Variants in CSMD1 observed in about 807,000 individuals in gnomAD.
CSMD1 encodes CUB and Sushi multiple domains 1.
A neutral mutation model predicts 417.5 loss-of-function variants in CSMD1; 213 were observed. That is an observed-to-expected ratio of 0.51 (90% confidence interval 0.46 to 0.57). CSMD1 has a LOEUF of 0.57. CSMD1 is among the 20% of genes least tolerant of loss of function. The pLI, the probability that CSMD1 is intolerant of heterozygous loss-of-function variation, is 0.00. For missense variants in CSMD1, 6,923 were observed against 4,529.7 expected (o/e 1.53, Z -15.17); for synonymous variants, 2,862 against 1,736.8 (o/e 1.65, Z -16.11).
intron 5 of CSMD1, 28 bp from the exon 6 acceptor site, chr8:3,754,070 T>C (rs1563343088): frequency 2.0e-6 from 3 of 1,505,660 alleles, no homozygotes; most frequent in Non-Finnish European, 2.8e-6. Flanking sequence ...GAAAAAAATC[T>C]CCCTTGTAAA....
chr8:4,171,887 G>T (rs938614533), intron 3 of CSMD1, among the ~76,000 whole-genome samples: 2 of 152,072 alleles, frequency 1.3e-5, no homozygotes, highest in African/African-American at 4.8e-5. Context: ...ATACTTGAAT[G>T]CAATTGTCTG....
At chr8:3,908,668 C>T (rs575384684) in intron 5 of CSMD1, among the ~76,000 whole-genome samples, 2 of 152,132 alleles carry the variant, frequency 1.3e-5, no homozygotes, top group Admixed American at 6.5e-5. Context: ...AGGGCCTACT[C>T]CAATAACATG....
intron 33 of CSMD1, among the ~76,000 whole-genome samples, chr8:3,194,792 T>G (rs1796613403): frequency 1.3e-5 from 2 of 151,920 alleles, no homozygotes; most frequent in South Asian, 4.2e-4. Flanking sequence ...TTTCCATGAA[T>G]GCTAAAGAGA....
At chr8:3,700,294 C>A (rs1016936385) in intron 7 of CSMD1, among the ~76,000 whole-genome samples, 1 of 152,214 alleles carries the variant, frequency 6.6e-6, no homozygotes, top group South Asian at 2.1e-4. Context: ...AGAAAATATA[C>A]CTGCCCTCAT....
At chr8:3,640,121 C>G (rs1288077438) in intron 7 of CSMD1, among the ~76,000 whole-genome samples, 2 of 152,236 alleles carry the variant, frequency 1.3e-5, no homozygotes, top group Non-Finnish European at 1.5e-5. Flanking sequence ...CTTTTTTCCA[C>G]CTGTCCCACT....
intron 3 of CSMD1, among the ~76,000 whole-genome samples, chr8:4,222,584 T>A (rs1801104878): frequency 6.6e-6 from 1 of 152,182 alleles, no homozygotes; most frequent in Non-Finnish European, 1.5e-5. Flanking sequence ...ACTTTAAAAA[T>A]CTGATTGTCC....
chr8:4,123,070 G>T lies in CSMD1; in HGVS notation c.416-90971C>A, dbSNP rs1055108780. Reference sequence around the variant, plus strand: ...GTGTTTAATTATTAAAAGCTTTGATGCTTTCATAATGCCAGTGAGATTGGA... The same window carrying T: ...GTGTTTAATTATTAAAAGCTTTGATTCTTTCATAATGCCAGTGAGATTGGA... On this transcript the variant is annotated intron_variant, in intron 3 of 69. Coordinates refer to ENST00000635120, the MANE Select transcript of CSMD1 (RefSeq NM_033225.6). 2.0e-5 allele frequency among the ~76,000 whole-genome samples: 3 copies of T among 152,300 alleles called. No individual in the cohort carries two copies. In the South Asian group the frequency reaches 6.2e-4, roughly 32 times the overall value.
chr8:3,764,395 TAATC>T (rs1264421012), intron 5 of CSMD1, among the ~76,000 whole-genome samples: 2 of 152,116 alleles, frequency 1.3e-5, no homozygotes, highest in Non-Finnish European at 2.9e-5. Flanking sequence ...ACCACAAACA[TAATC>T]AAACATATAT....
At chr8:4,460,047 G>A (rs984093464) in intron 2 of CSMD1, among the ~76,000 whole-genome samples, 1 of 152,120 alleles carries the variant, frequency 6.6e-6, no homozygotes, top group East Asian at 1.9e-4. Context: ...GAACATTCCA[G>A]CCAATAACAG....
At chr8:3,746,586 G>A (rs532243513) in intron 6 of CSMD1, among the ~76,000 whole-genome samples, 47 of 152,196 alleles carry the variant, frequency 3.1e-4, no homozygotes, top group African/African-American at 9.4e-4. Flanking sequence ...ATTAGTCTGC[G>A]TGGGATTTTT....
At chr8:4,530,633 A>C (rs1257043556) in intron 2 of CSMD1, among the ~76,000 whole-genome samples, 3 of 150,822 alleles carry the variant, frequency 2.0e-5, no homozygotes, top group East Asian at 3.9e-4. Context: ...TCTGAGGATG[A>C]TGGTTTCTAG....
intron 2 of CSMD1, among the ~76,000 whole-genome samples, chr8:4,490,348 T>C (rs759946323): frequency 3.0e-4 from 45 of 152,094 alleles, no homozygotes; most frequent in South Asian, 6.5e-4. Context: ...CCCAGATATC[T>C]TGTAAGTGCA....
chr8:3,738,443 GA>G lies in CSMD1; in HGVS notation c.931+15486del, dbSNP rs538698365. 2.9e-4 allele frequency among the ~76,000 whole-genome samples: 44 copies of G among 152,298 alleles called. No homozygotes were observed. The South Asian group carries it at 8.9e-3, about 31-fold the overall frequency. On this transcript the variant is annotated intron_variant, in intron 6 of 69. Transcript: ENST00000635120. ...CCTTTTATTTATTTCAATTTTGGGG[GA>G]AAATGACTTGAAGCTCATATGTGCA...
chr8:4,571,132 C>G (rs955495286), intron 2 of CSMD1, among the ~76,000 whole-genome samples: 4 of 152,232 alleles, frequency 2.6e-5, no homozygotes, highest in Admixed American at 2.6e-4. Context: ...ATTTTCATGT[C>G]TCTATCTCCT....
At chr8:4,295,441 T>A (rs1198763146) in intron 3 of CSMD1, among the ~76,000 whole-genome samples, 1 of 144,552 alleles carries the variant, frequency 6.9e-6, no homozygotes, top group Middle Eastern at 9.1e-3. Context: ...AAGATATATA[T>A]AATCTTATTA....
chr8:3,760,638 G>A (rs62479668), intron 5 of CSMD1, among the ~76,000 whole-genome samples: 23,058 of 152,214 alleles, frequency 0.15, 1,801 homozygotes, highest in Admixed American at 0.19. Flanking sequence ...GAAAAATGAA[G>A]AGTCAATTTA....
chr8:4,743,652 T>C (rs1398192598), intron 1 of CSMD1, among the ~76,000 whole-genome samples: 1 of 152,168 alleles, frequency 6.6e-6, no homozygotes, highest in African/African-American at 2.4e-5. Flanking sequence ...TACACCTTAA[T>C]CATTTGTGAG....
chr8:3,128,829 C>T, intron 41 of CSMD1: 1 of 446,428 alleles, frequency 2.2e-6, no homozygotes. Flanking sequence ...AAAGTCCTTT[C>T]TTCTCCTTGA....
chr8:4,039,816 G>A (rs372510304), intron 3 of CSMD1, among the ~76,000 whole-genome samples: 4 of 152,218 alleles, frequency 2.6e-5, no homozygotes, highest in African/African-American at 9.6e-5. Context: ...ACAGTCATCA[G>A]ATCTGGCATC....
Sources: allele counts gnomAD v4.1 joint callset (sites outside exome capture counted in the v4.1 genomes callset), GRCh38; gene constraint gnomAD v4.1.1; transcripts MANE v1.5; gene names NCBI Gene and HGNC (gene_info 2026-07-23, HGNC 2026-07-21).